SACS: variants seen among roughly 807,000 people sequenced by gnomAD.
SACS encodes sacsin molecular chaperone, also known as sacsin.
SACS carries 197 observed loss-of-function variants against 348.0 expected under a neutral mutation model. That is an observed-to-expected ratio of 0.57 (90% CI 0.50 to 0.64). The LOEUF (loss-of-function observed/expected upper bound fraction) is 0.64, where lower values mean the gene tolerates loss of function less well. Ranked by LOEUF, SACS falls within the 30% of genes least tolerant of loss-of-function variation. The pLI is 0.00. For missense variants in SACS, 4,999 were observed against 5,360.8 expected (o/e 0.93, Z 2.11); for synonymous variants, 1,985 against 1,910.6 (o/e 1.04, Z -1.02).
rs759433888 is a variant in SACS, at chr13:23,332,669, A to G, written c.11207T>C (p.Met3736Thr). The change falls in exon 10 of 10, where the codon ATG (methionine) becomes ACG (threonine). Residue 3736 changes from methionine to threonine, a missense_variant. Around this residue, in one of 6 missense-constraint regions of SACS, gnomAD observed 831 missense variants for 941.8 expected, o/e 0.88. Coordinates refer to ENST00000382292, the MANE Select transcript of SACS (RefSeq NM_014363.6). ...PQEQLEQVLNMLNVNLDPPLD... is the reference protein window; with the variant it reads ...PQEQLEQVLNTLNVNLDPPLD... ...AGGAGGATCCAGGTTAACATTAAGC[A>G]TATTTAAAACTTGTTCAAGCTGTTC... 7.4e-6 allele frequency: 12 copies of G among 1,613,764 alleles called. No homozygotes were observed. Among genetic ancestry groups the G allele is most frequent in the Non-Finnish European group, 9.3e-6 (11 of 1,179,946 alleles).
chr13:23,382,774 G>T (rs1350890980), intron 2 of SACS, among the ~76,000 whole-genome samples: 9 of 149,124 alleles, frequency 6.0e-5, no homozygotes, highest in African/African-American at 2.0e-4. Flanking sequence ...TGTTTTGTGT[G>T]TGTGTGTGGT....
intron 2 of SACS, among the ~76,000 whole-genome samples, chr13:23,398,702 G>GT (rs1872817005): frequency 6.6e-6 from 1 of 152,000 alleles, no homozygotes; most frequent in South Asian, 2.1e-4. Context: ...TCAACGGAAA[G>GT]GAATGTTTAG....
rs1163399365 is a variant in SACS at position 23,331,183 on chromosome 13, A to G, written c.12693T>C (p.Tyr4231=). Residue 4231 remains tyrosine, a synonymous_variant, in exon 10 of 10, where the codon TAT becomes TAC. Coordinates refer to ENST00000382292, the MANE Select transcript of SACS (RefSeq NM_014363.6). ...GAGAGCTAACTATTTTATATTCACT[A>G]TAACCAATATCTATCTGATATATCT... ...LGKIYQIDIG[Y]SEYKIVSSLD... 5 of 1,613,736 alleles carry G rather than the reference A, an allele frequency of 3.1e-6. No homozygotes were observed. Among genetic ancestry groups the G allele is most frequent in the Non-Finnish European group, 3.4e-6 (4 of 1,179,648 alleles).
At chr13:23,421,421 C>G (rs1873934246) in intron 1 of SACS, among the ~76,000 whole-genome samples, 1 of 151,914 alleles carries the variant, frequency 6.6e-6, no homozygotes, top group South Asian at 2.1e-4. Context: ...GACTGGGTAT[C>G]TACCAGGGAC....
At chr13:23,381,127 G>C (rs979397232) in intron 2 of SACS, among the ~76,000 whole-genome samples, 3 of 152,296 alleles carry the variant, frequency 2.0e-5, no homozygotes, top group East Asian at 1.9e-4. Context: ...CTTTGCAAAT[G>C]CAAGTGTCAG....
chr13:23,388,796 G>C (rs893872766), intron 2 of SACS, among the ~76,000 whole-genome samples: 26 of 151,974 alleles, frequency 1.7e-4, no homozygotes, highest in Non-Finnish European at 3.2e-4. Context: ...CGCTACTCAG[G>C]TGATGAGTGC....
rs544637190 is a variant in SACS, at chr13:23,405,069, C to T, written c.20+6151G>A. ...AATTAGAAAAAACTACTTTAAATTT[C>T]ATATGGAACCAAAAAAGAGCCCGTA... On this transcript the variant is annotated intron_variant, in intron 2 of 9. Coordinates refer to ENST00000382292, the MANE Select transcript of SACS (RefSeq NM_014363.6). 8.5e-5 allele frequency among the ~76,000 whole-genome samples: 13 copies of T among 152,226 alleles called. 1 individual carries two copies. In the South Asian group the frequency reaches 2.7e-3, roughly 32 times the overall value.
chr13:23,342,731 A>G (rs1013005841), intron 9 of SACS, among the ~76,000 whole-genome samples: 1 of 152,244 alleles, frequency 6.6e-6, no homozygotes, highest in African/African-American at 2.4e-5. Context: ...CCTACAGAGA[A>G]GGTCATGAAG....
At chr13:23,398,934 T>C (rs34807853) in intron 2 of SACS, among the ~76,000 whole-genome samples, 11,688 of 145,340 alleles carry the variant, frequency 0.08, 594 homozygotes, top group South Asian at 0.13. Flanking sequence ...GGCAGGGGAA[T>C]TGCTTGAACC....
chr13:23,333,768 G>C lies in SACS; in HGVS notation c.10108C>G (p.Gln3370Glu), dbSNP rs781467935. The change falls in exon 10 of 10, where the codon CAA becomes GAA. Residue 3370 changes from glutamine to glutamate, a missense_variant. This residue lies in a region of SACS where 734 missense variants were observed against 694.0 expected (regional missense o/e 1.06). Coordinates refer to ENST00000382292, the MANE Select transcript of SACS (RefSeq NM_014363.6). ...SILKALHYMV[Q>E]TSTFRAEKLV... ...TTTTCTGCTCTAAATGTTGAAGTTT[G>C]GACCATATAATGTAGAGCCTTCAAG... 1 of 1,613,762 alleles carries C rather than the reference G, an allele frequency of 6.2e-7. No homozygotes were observed. The highest frequency in any genetic ancestry group is 8.5e-7 in the Non-Finnish European group (1 of 1,179,798).
intron 7 of SACS, 65 bp from the exon 8 acceptor site, chr13:23,356,072 TAATA>T: frequency 1.5e-6 from 2 of 1,330,038 alleles, no homozygotes; most frequent in Non-Finnish European, 2.1e-6. Flanking sequence ...ATTACAATTA[TAATA>T]AATATATGAA....
chr13:23,406,859 T>C (rs1021197597), intron 2 of SACS, among the ~76,000 whole-genome samples: 12 of 152,186 alleles, frequency 7.9e-5, no homozygotes, highest in African/African-American at 2.4e-4. Flanking sequence ...AAAGGGGACA[T>C]CATTGTAGAG....
intron 3 of SACS, among the ~76,000 whole-genome samples, chr13:23,374,271 C>T (rs902464419): frequency 6.6e-6 from 1 of 152,168 alleles, no homozygotes; most frequent in Non-Finnish European, 1.5e-5. Context: ...CTCAAGTACA[C>T]AGAAGGTCAG....
chr13:23,403,177 T>TAAAA (rs879882036), intron 2 of SACS, among the ~76,000 whole-genome samples: 2 of 139,268 alleles, frequency 1.4e-5, no homozygotes, highest in Non-Finnish European at 3.1e-5. Context: ...GACTCCACCT[T>TAAAA]AAAAAAAAAA....
chr13:23,368,879 T>G (rs9552935), intron 4 of SACS, among the ~76,000 whole-genome samples: 60,166 of 151,782 alleles, frequency 0.4, 13,153 homozygotes, highest in East Asian at 0.72. Flanking sequence ...TTTTGTATTT[T>G]TAGTAGAGAT....
At chr13:23,409,303 C>A (rs1873385363) in intron 2 of SACS, among the ~76,000 whole-genome samples, 1 of 125,778 alleles carries the variant, frequency 8.0e-6, no homozygotes, top group Non-Finnish European at 1.8e-5. Context: ...GATCCGCCCG[C>A]CTCGGCCTCC....
In SACS at chr13:23,339,638, TCAAGTAAGTC is replaced by T. The variant is rs1869007678; in HGVS notation, c.4228_4237del (p.Asp1410LysfsTer16). ...CAAAATGATTGGTTCCACAGAATCT[TCAAGTAAGTC>T]ATTAAGGTCATCAACTTTAATGTCA... On this transcript the variant is annotated frameshift_variant, in exon 10 of 10. Transcript: ENST00000382292. LOFTEE classifies it high-confidence loss of function. 1 of 1,612,504 alleles carries T rather than the reference TCAAGTAAGTC, an allele frequency of 6.2e-7. No homozygotes were observed. The highest frequency in any genetic ancestry group is 8.5e-7 in the Non-Finnish European group (1 of 1,178,846).
chr13:23,361,020 G>A (rs548830701), intron 6 of SACS, among the ~76,000 whole-genome samples: 1 of 152,258 alleles, frequency 6.6e-6, no homozygotes, highest in African/African-American at 2.4e-5. Context: ...CTCCCAAAGT[G>A]CTGGGATTAC....
At chr13:23,430,977 T>G (rs1042076923) in intron 1 of SACS, among the ~76,000 whole-genome samples, 1 of 152,180 alleles carries the variant, frequency 6.6e-6, no homozygotes, top group African/African-American at 2.4e-5. Context: ...GAGAACTCAG[T>G]GATGCTCCCC....
Sources: allele counts gnomAD v4.1 joint callset (sites outside exome capture counted in the v4.1 genomes callset), GRCh38; gene constraint gnomAD v4.1.1; regional missense constraint gnomAD v4.1.1; transcripts MANE v1.5; gene names NCBI Gene and HGNC (gene_info 2026-07-23, HGNC 2026-07-21).